KCNB2: variants seen among roughly 807,000 people sequenced by gnomAD.
KCNB2 encodes the protein potassium voltage-gated channel subfamily B member 2.
A neutral mutation model predicts 61.5 loss-of-function variants in KCNB2; 15 were observed. The ratio of observed to expected loss-of-function variants is 0.24; its 90% CI spans 0.16 to 0.38. The LOEUF (loss-of-function observed/expected upper bound fraction) is 0.38. KCNB2 is among the 10% of genes least tolerant of loss of function. The probability of loss-of-function intolerance (pLI) is 1.00; values close to 1 mark genes in which losing one functional copy is unlikely to be tolerated. For synonymous variants in KCNB2, 457 were observed against 446.0 expected (o/e 1.02, Z -0.31); for missense variants, 828 against 1,125.2 (o/e 0.74, Z 3.78).
intron 2 of KCNB2, among the ~76,000 whole-genome samples, chr8:72,755,727 C>T (rs763803736): frequency 1.8e-4 from 27 of 152,192 alleles, no homozygotes; most frequent in Non-Finnish European, 3.7e-4. Flanking sequence ...AGTGTGCTTA[C>T]GAATGAAGGA....
intron 2 of KCNB2, among the ~76,000 whole-genome samples, chr8:72,920,978 T>G (rs1176170915): frequency 6.6e-6 from 1 of 152,112 alleles, no homozygotes; most frequent in African/African-American, 2.4e-5. Context: ...GTAGAAGTCC[T>G]AAGCTAAAGT....
chr8:72,783,967 A>T (rs1213875744), intron 2 of KCNB2, among the ~76,000 whole-genome samples: 2 of 152,066 alleles, frequency 1.3e-5, no homozygotes, highest in Non-Finnish European at 2.9e-5. Context: ...CTGCCTTGCC[A>T]TTTAGGATAT....
At chr8:72,561,748 T>TAC (rs1806529117) in intron 1 of KCNB2, among the ~76,000 whole-genome samples, 2 of 25,850 alleles carry the variant, frequency 7.7e-5, no homozygotes, top group African/African-American at 6.0e-4. Flanking sequence ...TATATATATG[T>TAC]ATATATATAT....
chr8:72,843,128 A>G (rs535448598), intron 2 of KCNB2, among the ~76,000 whole-genome samples: 21 of 151,908 alleles, frequency 1.4e-4, no homozygotes, highest in Non-Finnish European at 2.5e-4. Flanking sequence ...AGATTCCAGT[A>G]CACTTTGTCT....
chr8:72,723,217 AT>A (rs1807580330), intron 2 of KCNB2, among the ~76,000 whole-genome samples: 2 of 152,176 alleles, frequency 1.3e-5, no homozygotes, highest in Admixed American at 1.3e-4. Flanking sequence ...TTCCTCTTAA[AT>A]TACTCACCCT....
At chr8:72,908,185 G>T (rs1806212477) in intron 2 of KCNB2, among the ~76,000 whole-genome samples, 1 of 151,980 alleles carries the variant, frequency 6.6e-6, no homozygotes, top group African/African-American at 2.4e-5. Flanking sequence ...AACTATGAAG[G>T]AATATAAACT....
At chr8:72,630,884 T>C (rs1487814076) in intron 2 of KCNB2, among the ~76,000 whole-genome samples, 1 of 152,170 alleles carries the variant, frequency 6.6e-6, no homozygotes, top group African/African-American at 2.4e-5. Context: ...GGCATTTGTA[T>C]CAGTTTCTGT....
At chr8:72,576,143 C>A (rs769603852) in intron 2 of KCNB2, among the ~76,000 whole-genome samples, 1 of 152,146 alleles carries the variant, frequency 6.6e-6, no homozygotes, top group Non-Finnish European at 1.5e-5. Context: ...ATGAAATAAC[C>A]ATAGATTACA....
At chr8:72,855,159 A>G (rs1810186229) in intron 2 of KCNB2, among the ~76,000 whole-genome samples, 1 of 152,148 alleles carries the variant, frequency 6.6e-6, no homozygotes, top group Non-Finnish European at 1.5e-5. Flanking sequence ...ATACAGTTAT[A>G]TTTATTAAGT....
chr8:72,759,263 AT>A (rs1808339926), intron 2 of KCNB2, among the ~76,000 whole-genome samples: 1 of 152,222 alleles, frequency 6.6e-6, no homozygotes, highest in African/African-American at 2.4e-5. Context: ...ATATTACATA[AT>A]AAAATACGGA....
intron 2 of KCNB2, among the ~76,000 whole-genome samples, chr8:72,734,134 C>G (rs1348838810): frequency 6.6e-6 from 1 of 152,154 alleles, no homozygotes; most frequent in Admixed American, 6.6e-5. Context: ...AAAGCAGTCT[C>G]ATTATCAACT....
At chr8:72,932,163 G>A (rs1309871243) in intron 2 of KCNB2, among the ~76,000 whole-genome samples, 1 of 152,156 alleles carries the variant, frequency 6.6e-6, no homozygotes, top group East Asian at 1.9e-4. Flanking sequence ...CAGAGGAACT[G>A]GGAAAGGAGA....
chr8:72,788,274 G>A (rs1808875187), intron 2 of KCNB2, among the ~76,000 whole-genome samples: 1 of 152,174 alleles, frequency 6.6e-6, no homozygotes, highest in Admixed American at 6.5e-5. Flanking sequence ...CTGGAGGGTG[G>A]AAGTCCAAAA....
At chr8:72,841,433 C>T (rs4489363) in intron 2 of KCNB2, among the ~76,000 whole-genome samples, 134,413 of 144,956 alleles carry the variant, frequency 0.93, 62,929 homozygotes, top group African/African-American at 0.99. Flanking sequence ...TTTGGTTCCA[C>T]ATGAAATTTA....
At chr8:72,902,495 C>T (rs1563418596) in intron 2 of KCNB2, among the ~76,000 whole-genome samples, 1 of 152,082 alleles carries the variant, frequency 6.6e-6, no homozygotes, top group Non-Finnish European at 1.5e-5. Flanking sequence ...GGTTCAGAAA[C>T]TGAAATGCTA....
chr8:72,627,536 A>G (rs1179689934), intron 2 of KCNB2, among the ~76,000 whole-genome samples: 1 of 152,240 alleles, frequency 6.6e-6, no homozygotes, highest in Non-Finnish European at 1.5e-5. Flanking sequence ...ATTTGAGCAT[A>G]ATGAAAATGT....
At chr8:72,834,707 GA>G (rs1297727903) in intron 2 of KCNB2, among the ~76,000 whole-genome samples, 1 of 152,094 alleles carries the variant, frequency 6.6e-6, no homozygotes. Flanking sequence ...TGATAGAAAG[GA>G]TGCACCCAAC....
intron 2 of KCNB2, among the ~76,000 whole-genome samples, chr8:72,901,938 T>C (rs989561260): frequency 2.6e-5 from 4 of 152,142 alleles, no homozygotes; most frequent in African/African-American, 9.7e-5. Flanking sequence ...ATAGAGGAGA[T>C]AGGTTTGAGC....
intron 2 of KCNB2, among the ~76,000 whole-genome samples, chr8:72,872,386 A>C (rs1805633692): frequency 6.6e-6 from 1 of 152,096 alleles, no homozygotes; most frequent in South Asian, 2.1e-4. Context: ...AATCTCATAA[A>C]CCGGCTTTCT....
Sources: allele counts gnomAD v4.1 joint callset (sites outside exome capture counted in the v4.1 genomes callset), GRCh38; gene constraint gnomAD v4.1.1; transcripts MANE v1.5; gene names NCBI Gene and HGNC (gene_info 2026-07-23, HGNC 2026-07-21).